NOP53: variants seen among roughly 807,000 people sequenced by gnomAD.
The protein encoded by NOP53 is ribosome biogenesis protein NOP53.
Under a neutral mutation model 61.0 loss-of-function variants are expected in NOP53, and 40 were observed. The ratio of observed to expected loss-of-function variants is 0.66; its 90% confidence interval spans 0.51 to 0.85. The LOEUF is 0.85. Among genes scored for constraint, NOP53 ranks in the 40% least tolerant of loss-of-function variants. The probability of loss-of-function intolerance (pLI) is 0.00; values close to 1 mark genes in which losing one functional copy is unlikely to be tolerated. For missense variants in NOP53, 689 were observed against 652.9 expected (o/e 1.06, Z -0.60); for synonymous variants, 308 against 289.5 (o/e 1.06, Z -0.65).
intron 3 of NOP53, among the ~76,000 whole-genome samples, 175 bp downstream of exon 3, chr19:47,750,461 G>T (rs1207457580): frequency 6.6e-6 from 1 of 152,098 alleles, no homozygotes; most frequent in African/African-American, 2.4e-5. Context: ...CTGGGCCGAG[G>T]CAGGTGAGGA....
rs539510774 is a variant in NOP53 at position 47,752,638 on chromosome 19, A to G, written c.765+31A>G. The G allele has an allele frequency of 1.4e-4, 178 of 1,313,616 alleles. 3 individuals carry two copies. The South Asian group carries it at 2.0e-3, about 14-fold the overall frequency. 81.4% of individuals were successfully genotyped at this position (1,313,616 alleles called of 1,614,324 possible). A position where few individuals can be genotyped will look rare whatever the true frequency, so the allele number is the denominator to read the frequency against. On this transcript the variant is annotated intron_variant, in intron 6 of 12. Coordinates refer to ENST00000246802, the MANE Select transcript of NOP53 (RefSeq NM_015710.5). Reference sequence around the variant, plus strand: ...CTGCCCCGTCCAGGCCTCCCTCCTCAGTGGGCTCTGCCTCTTGGTCAGGCC... The same window carrying G: ...CTGCCCCGTCCAGGCCTCCCTCCTCGGTGGGCTCTGCCTCTTGGTCAGGCC...
intron 2 of NOP53, 67 bp downstream of exon 2, chr19:47,747,098 G>A (rs1213976618): frequency 8.7e-6 from 11 of 1,263,990 alleles, no homozygotes; most frequent in Non-Finnish European, 8.1e-6. Context: ...GGTAGCCTCT[G>A]AGATCTGTGT....
intron 10 of NOP53, 155 bp from the exon 11 acceptor site, chr19:47,756,373 G>A: frequency 4.9e-6 from 3 of 615,224 alleles, no homozygotes; most frequent in Non-Finnish European, 8.6e-6. Context: ...CCAACACTGA[G>A]CCCCAGCAGC....
chr19:47,750,822 T>G, intron 3 of NOP53, 86 bp from the exon 4 acceptor site: 2 of 1,147,436 alleles, frequency 1.7e-6, no homozygotes, highest in East Asian at 5.1e-5. Flanking sequence ...GCCTTAATGG[T>G]GGAGGAAGCC....
chr19:47,756,784 C>T (rs757593527), intron 12 of NOP53, 40 bp downstream of exon 12: 4 of 1,602,776 alleles, frequency 2.5e-6, no homozygotes, highest in African/African-American at 1.3e-5. Flanking sequence ...GGGAGCCCTT[C>T]TCCCACCCCG....
intron 12 of NOP53, 73 bp downstream of exon 12, chr19:47,756,817 C>T: frequency 3.2e-6 from 5 of 1,555,594 alleles, no homozygotes; most frequent in Non-Finnish European, 4.4e-6. Context: ...AGTCCCAGGG[C>T]CCCTTCCAGA....
At chr19:47,746,155 T>C (rs191652498) in intron 1 of NOP53, 2,536 of 198,624 alleles carry the variant, frequency 0.013, 29 homozygotes, top group South Asian at 0.029. Context: ...TGTGTGTATA[T>C]ATATATGTGT....
At chr19:47,755,884 T>C in intron 10 of NOP53, 62 bp downstream of exon 10, 1 of 1,419,548 alleles carries the variant, frequency 7.0e-7, no homozygotes, top group Non-Finnish European at 9.9e-7. Flanking sequence ...TTGCTCCCCG[T>C]GCCCCCCAGG....
At chr19:47,756,886 AG>A (rs1408392025) in intron 12 of NOP53, 112 bp from the exon 13 acceptor site, 77 of 1,537,276 alleles carry the variant, frequency 5.0e-5, no homozygotes, top group Non-Finnish European at 6.8e-5. Context: ...CCCTGAAACC[AG>A]AGCGGGGTTG....
At position 47,754,826 on chromosome 19, in the gene NOP53, C is replaced by G. The variant is rs767092980; in HGVS notation, c.988C>G (p.Arg330Gly). ...TGCCGAGGTCTGTCCCACGCCCGCC[C>G]GCCTGGCCACCACAGAGAAGAAGAC... ...GDAEVCPTPARLATTEKKTEQ... is the reference protein window; with the variant it reads ...GDAEVCPTPAGLATTEKKTEQ... The change falls in exon 8 of 13, where the codon CGC becomes GGC. Residue 330 changes from arginine to glycine, a missense_variant. Physicochemically the swap from Arg to Gly is moderately radical, Grantham distance 125 (BLOSUM62 -2). Transcript: ENST00000246802. The surrounding 1 kb of genome is among the most constrained non-coding windows in gnomAD (Gnocchi z 4.2). The G allele has an allele frequency of 6.5e-7, 1 of 1,536,694 alleles. No individual in the cohort carries two copies.
intron 2 of NOP53, among the ~76,000 whole-genome samples, chr19:47,747,991 G>A (rs927369629): frequency 1.3e-5 from 2 of 151,824 alleles, no homozygotes; most frequent in Non-Finnish European, 2.9e-5. Context: ...TGTTGGTCAG[G>A]CTGGTCTCGA....
chr19:47,755,421 C>G lies in NOP53; in HGVS notation c.1127C>G (p.Ala376Gly). ...CTGTTCCGGCTGCGCGGGATCAAGG[C>G]CCAGGTGGCCCTGAGGCTGGCGGAG... ...QELFRLRGIK[A>G]QVALRLAELA... The change falls in exon 9 of 13, where the codon GCC (alanine) becomes GGC (glycine). Residue 376 changes from alanine (A) to glycine (G), a missense_variant. By Grantham distance (60) the Ala-to-Gly change is moderately conservative. Coordinates refer to ENST00000246802, the MANE Select transcript of NOP53 (RefSeq NM_015710.5). 1.3e-6 allele frequency: 2 copies of G among 1,532,028 alleles called. No individual in the cohort carries two copies. The highest frequency in any genetic ancestry group is 1.8e-6 in the Non-Finnish European group (2 of 1,142,824). 94.9% of individuals were successfully genotyped at this position (1,532,028 alleles called of 1,614,324 possible). A position where few individuals can be genotyped will look rare whatever the true frequency, so the allele number is the denominator to read the frequency against.
chr19:47,751,589 A>G lies in NOP53; in HGVS notation c.668A>G (p.Lys223Arg), dbSNP rs200973335. 1.3e-4 allele frequency: 216 copies of G among 1,613,128 alleles called. No homozygotes were observed. Among genetic ancestry groups the G allele is most frequent in the Non-Finnish European group, 1.7e-4 (204 of 1,179,370 alleles). ...FLEQTKKKGV[K>R]RPARLHTKPS... ...GAGCAGACCAAGAAGAAAGGAGTGA[A>G]GGTGAGATGTGTGGGAAGGGCATCC... The change falls in exon 5 of 13, where the codon AAG becomes AGG. Residue 223 changes from lysine (K) to arginine (R), a missense_variant and splice_region_variant. Physicochemically the swap from Lys to Arg is conservative, Grantham distance 26. Coordinates refer to ENST00000246802, the MANE Select transcript of NOP53 (RefSeq NM_015710.5).
At chr19:47,752,391 C>T in intron 5 of NOP53, 121 bp from the exon 6 acceptor site, 3 of 660,242 alleles carry the variant, frequency 4.5e-6, no homozygotes, top group East Asian at 5.3e-5. Context: ...CCTGAATGCC[C>T]CTTGAGCTCT....
chr19:47,745,590 A>G lies in NOP53; in HGVS notation c.31A>G (p.Lys11Glu). The change falls in exon 1 of 13, where the codon AAG becomes GAG. Residue 11 changes from lysine to glutamate, a missense_variant. Coordinates refer to ENST00000246802, the MANE Select transcript of NOP53 (RefSeq NM_015710.5). MAAGGSGVGG[K>E]RSSKSDADSG... ...GGCAGGAGGCAGTGGCGTTGGTGGG[A>G]AGCGCAGCTCGAAAAGCGATGCCGA... is the stretch of plus-strand genomic sequence containing the variant. The G allele has an allele frequency of 6.2e-7, 1 of 1,613,976 alleles. No individual in the cohort carries two copies. Among genetic ancestry groups the G allele is most frequent in the Non-Finnish European group, 8.5e-7 (1 of 1,180,000 alleles).
Position 47,754,932 on chromosome 19 carries a change from C to T in NOP53, c.1053+41C>T, listed in dbSNP as rs1599920499. The T allele has an allele frequency of 6.8e-7, 1 of 1,463,250 alleles. No individual in the cohort carries two copies. The highest frequency in any genetic ancestry group is 9.0e-7 in the Non-Finnish European group (1 of 1,114,162). 90.6% of individuals were successfully genotyped at this position (1,463,250 alleles called of 1,614,324 possible). On this transcript the variant is annotated intron_variant, in intron 8 of 12. Transcript: ENST00000246802. This position sits in a 1 kb window ranked among gnomAD's most constrained non-coding sequence, Gnocchi z 4.2. ...AGCGGGGCCTGCCTCTGATGCCTCG[C>T]CCCCTTCCTTCCTTCCTCCCACCAT...
rs763608461 is a variant in NOP53 at position 47,751,020 on chromosome 19, C to G, written c.511C>G (p.Arg171Gly). 6.3e-7 allele frequency: 1 copy of G among 1,599,768 alleles called. No individual in the cohort carries two copies. Among genetic ancestry groups the G allele is most frequent in the East Asian group, 2.3e-5 (1 of 44,358 alleles). The change falls in exon 4 of 13, where the codon CGG becomes GGG. Residue 171 changes from arginine (R) to glycine (G), a missense_variant. Coordinates refer to ENST00000246802, the MANE Select transcript of NOP53 (RefSeq NM_015710.5). ...CCGGGAGGTGCGCAGGGCCCAGGCC[C>G]GGCTCCTCAACCCTTCTGCAACAAG... ...LPREVRRAQA[R>G]LLNPSATRAK...
At position 47,750,182 on chromosome 19, in the gene NOP53, G is replaced by A. The variant is rs1224331035; in HGVS notation, c.294G>A (p.Leu98=). 1.9e-6 allele frequency: 3 copies of A among 1,605,172 alleles called. No individual in the cohort carries two copies. The highest frequency in any genetic ancestry group is 1.7e-6 in the Non-Finnish European group (2 of 1,172,054). The change falls in exon 3 of 13, where the codon CTG becomes CTA. Residue 98 remains leucine, a synonymous_variant. Coordinates refer to ENST00000246802, the MANE Select transcript of NOP53 (RefSeq NM_015710.5). Reference sequence around the variant, plus strand: ...TGTTCTCTTTCCCATTCTTAGGGCTGACAAAGAAGAGAACCAAAGTCCAGA... The same window carrying A: ...TGTTCTCTTTCCCATTCTTAGGGCTAACAAAGAAGAGAACCAAAGTCCAGA... ...FVDTGSKEKG[L]TKKRTKVQKK...
At chr19:47,751,671 C>G in intron 5 of NOP53, 81 bp downstream of exon 5, 1 of 1,088,904 alleles carries the variant, frequency 9.2e-7, no homozygotes, top group South Asian at 1.3e-5. Flanking sequence ...GCAGTAGAGT[C>G]TGTCTCAGAG....
Sources: allele counts gnomAD v4.1 joint callset (sites outside exome capture counted in the v4.1 genomes callset), GRCh38; gene constraint gnomAD v4.1.1; non-coding constraint Gnocchi (gnomAD v3.1); transcripts MANE v1.5; gene names NCBI Gene and HGNC (gene_info 2026-07-23, HGNC 2026-07-21).